SASH3: variants seen among roughly 807,000 people sequenced by gnomAD.
The protein encoded by SASH3 is SAM and SH3 domain-containing protein 3.
SASH3 carries 7 observed loss-of-function variants against 26.1 expected under a neutral mutation model. The observed-to-expected ratio is 0.27, with a 90% CI of 0.15 to 0.50. SASH3 has a LOEUF of 0.50. Ranked by LOEUF, SASH3 falls within the 20% of genes least tolerant of loss-of-function variation. The probability of loss-of-function intolerance (pLI) is 0.98; values close to 1 mark genes in which losing one functional copy is unlikely to be tolerated. For missense variants in SASH3, 231 were observed against 318.3 expected, an observed-to-expected ratio of 0.73 and a Z score of 2.09; for synonymous variants, 138 against 136.8, an observed-to-expected ratio of 1.01 and a Z score of -0.06.
At chrX:129,793,226 C>G in intron 7 of SASH3, 87 bp downstream of exon 7, 1 of 1,022,623 alleles carries the variant, frequency 9.8e-7, no homozygotes, top group Non-Finnish European at 1.4e-6. Flanking sequence ...TGCCTTCTGT[C>G]CACGCTCTGC....
At position 129,791,035 on chromosome X, in the gene SASH3, G is replaced by A. The variant is rs1927220200; in HGVS notation, c.396G>A (p.Glu132=). 8.3e-7 allele frequency: 1 copy of A among 1,211,610 alleles called. No homozygotes were observed. The highest frequency in any genetic ancestry group is 1.1e-6 in the Non-Finnish European group (1 of 895,416). Residue 132 remains glutamate, a synonymous_variant, in exon 4 of 8, where the codon GAG becomes GAA. Transcript: ENST00000356892. ...GPEKMALAFS[E]QEEHELPVLS... ...AGAAGATGGCGCTGGCCTTTTCTGA[G>A]CAAGAGGAGCATGAACTTCCGGTGC...
At chrX:129,784,788 C>T (rs952736591) in intron 1 of SASH3, among the ~76,000 whole-genome samples, 4 of 110,915 alleles carry the variant, frequency 3.6e-5, no homozygotes, top group Non-Finnish European at 7.5e-5. Flanking sequence ...TGCCCCCTTT[C>T]TCCCACAGTA....
chrX:129,780,080 C>T lies in SASH3; in HGVS notation c.-18C>T, dbSNP rs764088036. 2.5e-6 allele frequency: 3 copies of T among 1,207,896 alleles called. No homozygotes were observed. Among genetic ancestry groups the T allele is most frequent in the South Asian group, 1.8e-5 (1 of 56,740 alleles). The stretch of plus-strand genomic sequence containing the variant: ...ACACCTAGGAGAGCAGGGACGGAGT[C>T]TCCCAGGGTGGAGGACCATGCTGCG... On this transcript the variant is annotated 5_prime_UTR_variant, in exon 1 of 8. Coordinates refer to ENST00000356892, the MANE Select transcript of SASH3 (RefSeq NM_018990.4).
rs745634212 is a variant in SASH3, at chrX:129,793,229, C to T, written c.952+90C>T. ...TTGCCCTGGCCTTGCCTTCTGTCCA[C>T]GCTCTGCCCTAGGACTGCTCTGCAG... On this transcript the variant is annotated intron_variant, in intron 7 of 7. Transcript: ENST00000356892. The T allele has an allele frequency of 1.4e-4, 140 of 1,017,298 alleles. No homozygotes were observed. The Middle Eastern group carries it at 2.6e-3, about 19-fold the overall frequency. 83.8% of individuals were successfully genotyped at this position (1,017,298 alleles called of 1,213,427 possible).
chrX:129,783,613 C>T (rs1038624696), intron 1 of SASH3, among the ~76,000 whole-genome samples: 1 of 112,137 alleles, frequency 8.9e-6, no homozygotes, highest in African/African-American at 3.2e-5. Flanking sequence ...GAATATGATG[C>T]GGGGCTGCGA....
chrX:129,782,964 G>T (rs916523669), intron 1 of SASH3, among the ~76,000 whole-genome samples: 3 of 111,759 alleles, frequency 2.7e-5, no homozygotes, highest in Non-Finnish European at 3.8e-5. Flanking sequence ...GCCAGTGTTG[G>T]GGTATAGGAA....
Position 129,779,997 on chromosome X carries a change from T to C in SASH3, c.-101T>C. On this transcript the variant is annotated 5_prime_UTR_variant, in exon 1 of 8. Transcript: ENST00000356892. ...GTCAGAGTGGCAGCTGAAGGCTCGG[T>C]TCATGCCGTGCCCCCGGGCAGTTCT... is the stretch of plus-strand genomic sequence containing the variant. The C allele has an allele frequency of 1.2e-6, 1 of 851,014 alleles. No individual in the cohort carries two copies. The highest frequency in any genetic ancestry group is 3.3e-5 in the East Asian group (1 of 30,702). The allele number at this position is 851,014 out of a possible 1,213,427, so 70.1% of individuals were successfully genotyped here. A position where few individuals can be genotyped will look rare whatever the true frequency, so the allele number is the denominator to read the frequency against.
In SASH3 at chrX:129,780,000, A is replaced by G. The variant is rs994183350; in HGVS notation, c.-98A>G. On this transcript the variant is annotated 5_prime_UTR_variant, in exon 1 of 8. It removes an upstream start codon present in the reference 5' UTR. Coordinates refer to ENST00000356892, the MANE Select transcript of SASH3 (RefSeq NM_018990.4). ...AGAGTGGCAGCTGAAGGCTCGGTTC[A>G]TGCCGTGCCCCCGGGCAGTTCTGGT... 1.2e-5 allele frequency: 11 copies of G among 880,258 alleles called. No homozygotes were observed. The allele number at this position is 880,258 out of a possible 1,213,427, so 72.5% of individuals were successfully genotyped here. A position where few individuals can be genotyped will look rare whatever the true frequency, so the allele number is the denominator to read the frequency against.
intron 1 of SASH3, among the ~76,000 whole-genome samples, chrX:129,787,746 A>G (rs1927134206): frequency 8.9e-6 from 1 of 111,843 alleles, no homozygotes; most frequent in Non-Finnish European, 1.9e-5. Flanking sequence ...TGAGGTGTGA[A>G]GCTCTTGAGG....
chrX:129,788,752 G>A (rs1031792637), intron 3 of SASH3, among the ~76,000 whole-genome samples, 175 bp downstream of exon 3: 2 of 111,690 alleles, frequency 1.8e-5, no homozygotes, highest in African/African-American at 6.5e-5. Context: ...AGGCAGCCAG[G>A]CAATCTTGAC....
chrX:129,793,961 A>G lies in SASH3; in HGVS notation c.*129A>G. The stretch of plus-strand genomic sequence containing the variant: ...TGGCCCTGCTTCCCCAGGGACACTT[A>G]GGGCCACAGAGGCCAGGCCAGGGCC... On this transcript the variant is annotated 3_prime_UTR_variant, in exon 8 of 8. Coordinates refer to ENST00000356892, the MANE Select transcript of SASH3 (RefSeq NM_018990.4). 1.6e-6 allele frequency: 1 copy of G among 642,964 alleles called. No homozygotes were observed. The highest frequency in any genetic ancestry group is 3.6e-5 in the East Asian group (1 of 28,146). The allele number at this position is 642,964 out of a possible 1,213,427, so 53.0% of individuals were successfully genotyped here. A position where few individuals can be genotyped will look rare whatever the true frequency, so the allele number is the denominator to read the frequency against.
At chrX:129,781,780 C>T (rs906539868) in intron 1 of SASH3, among the ~76,000 whole-genome samples, 6 of 112,207 alleles carry the variant, frequency 5.3e-5, no homozygotes, top group Admixed American at 9.4e-5. Context: ...GGGGTCCTTT[C>T]GGGGAGAGTA....
intron 7 of SASH3, among the ~76,000 whole-genome samples, 199 bp downstream of exon 7, chrX:129,793,338 C>G (rs1056136075): frequency 1.8e-5 from 2 of 112,359 alleles, no homozygotes; most frequent in African/African-American, 3.2e-5. Context: ...GGCCCAACCT[C>G]CTTTGGATCA....
In SASH3 at chrX:129,788,490, G is replaced by A. The variant is rs746831042; in HGVS notation, c.213G>A (p.Lys71=). 3 of 1,211,751 alleles carry A rather than the reference G, an allele frequency of 2.5e-6. No homozygotes were observed. The Admixed American group carries it at 6.5e-5, about 26-fold the overall frequency. The change falls in exon 3 of 8, where the codon AAG becomes AAA. Residue 71 remains lysine (K), a synonymous_variant. Coordinates refer to ENST00000356892, the MANE Select transcript of SASH3 (RefSeq NM_018990.4). ...TPEDAGKSGK[K]LGKKWRAVIS... is the part of the protein sequence containing the mutation. ...AAGATGCTGGGAAGAGTGGCAAAAA[G>A]CTGGGGAAGAAGTGGAGGGCAGTGA... is the stretch of plus-strand genomic sequence containing the variant.
chrX:129,790,254 A>G (rs1021288207), intron 3 of SASH3, among the ~76,000 whole-genome samples: 1 of 111,067 alleles, frequency 9.0e-6, no homozygotes, highest in African/African-American at 3.3e-5. Context: ...CAACACGTCC[A>G]GTGATGTCAA....
intron 1 of SASH3, among the ~76,000 whole-genome samples, chrX:129,786,183 C>A (rs1319288452): frequency 9.0e-6 from 1 of 110,803 alleles, no homozygotes; most frequent in Admixed American, 9.6e-5. Context: ...ACCCATCAGG[C>A]CCCAATCGTG....
At chrX:129,788,605 G>A in intron 3 of SASH3, 28 bp downstream of exon 3, 1 of 1,197,131 alleles carries the variant, frequency 8.4e-7, no homozygotes, top group Non-Finnish European at 1.1e-6. Context: ...AGGGGATGGG[G>A]TGTCCAGGGG....
At chrX:129,789,118 A>AAAGAAAGAAAGAAAGAAAGAAAGAAAG (rs1927169924) in intron 3 of SASH3, among the ~76,000 whole-genome samples, 1 of 52,159 alleles carries the variant, frequency 1.9e-5, no homozygotes, top group African/African-American at 1.3e-4. Context: ...AAAAAGAAAG[A>AAAGAAAGAAAGAAAGAAAGAAAGAAAG]AAGAAAGAAA....
intron 1 of SASH3, among the ~76,000 whole-genome samples, chrX:129,781,140 G>A (rs187181124): frequency 1.8e-5 from 2 of 112,474 alleles, no homozygotes; most frequent in East Asian, 2.8e-4. Context: ...GCCTGAACTA[G>A]GTCCAAGAGG....
Sources: allele counts gnomAD v4.1 joint callset (sites outside exome capture counted in the v4.1 genomes callset), GRCh38; gene constraint gnomAD v4.1.1; transcripts MANE v1.5; gene names NCBI Gene and HGNC (gene_info 2026-07-23, HGNC 2026-07-21).